STRN: variants seen among roughly 807,000 people sequenced by gnomAD.
STRN encodes protein phosphatase 2 regulatory subunit B'''alpha.
In STRN, 53 loss-of-function variants were observed where a neutral mutation model predicts 96.3. The observed-to-expected ratio is 0.55, with a 90% CI of 0.44 to 0.69. The LOEUF (loss-of-function observed/expected upper bound fraction) is 0.69, where lower values mean the gene tolerates loss of function less well. Among genes scored for constraint, STRN ranks in the 30% least tolerant of loss-of-function variants. STRN has a pLI of 0.00. For synonymous variants in STRN, 428 were observed against 355.9 expected (o/e 1.20, Z -2.28); for missense variants, 987 against 963.9 (o/e 1.02, Z -0.32).
chr2:36,921,017 G>C (rs1213711458), intron 2 of STRN, among the ~76,000 whole-genome samples: 2 of 151,870 alleles, frequency 1.3e-5, no homozygotes, highest in Non-Finnish European at 2.9e-5. Context: ...AGAGGCTGCA[G>C]TGAGCCGATA....
intron 2 of STRN, among the ~76,000 whole-genome samples, chr2:36,916,849 C>T (rs989632538): frequency 1.3e-5 from 2 of 151,842 alleles, no homozygotes; most frequent in African/African-American, 2.4e-5. Context: ...TTAACTATCT[C>T]GGATTTAACC....
intron 1 of STRN, among the ~76,000 whole-genome samples, chr2:36,945,105 A>G (rs1670945505): frequency 1.3e-5 from 2 of 152,200 alleles, no homozygotes; most frequent in South Asian, 4.1e-4. Context: ...TACATAAAAC[A>G]TCACAGCTGG....
intron 12 of STRN, among the ~76,000 whole-genome samples, chr2:36,864,508 C>T (rs1274809226): frequency 6.6e-6 from 1 of 152,096 alleles, no homozygotes; most frequent in Non-Finnish European, 1.5e-5. Context: ...ATAAAGCCTG[C>T]CTGATTGTGG....
intron 1 of STRN, among the ~76,000 whole-genome samples, chr2:36,950,986 T>C (rs1664739702): frequency 1.3e-5 from 2 of 152,156 alleles, no homozygotes. Context: ...ATATTGGTAA[T>C]GTAACATAAA....
At chr2:36,882,553 G>C (rs1003758604) in intron 9 of STRN, among the ~76,000 whole-genome samples, 3 of 152,092 alleles carry the variant, frequency 2.0e-5, no homozygotes, top group African/African-American at 7.2e-5. Flanking sequence ...GATCACTTGA[G>C]CCCAGGAGTT....
intron 8 of STRN, among the ~76,000 whole-genome samples, chr2:36,885,341 T>C (rs769713966): frequency 1.3e-4 from 20 of 152,172 alleles, no homozygotes; most frequent in Non-Finnish European, 2.9e-4. Flanking sequence ...ATTAAGTTAA[T>C]CTGGAAATTA....
intron 3 of STRN, among the ~76,000 whole-genome samples, chr2:36,915,063 G>T (rs1443770264): frequency 6.6e-6 from 1 of 151,052 alleles, no homozygotes; most frequent in Non-Finnish European, 1.5e-5. Context: ...CAGGCCTGGT[G>T]GTGGGCGCCA....
At chr2:36,964,264 T>G (rs1317900952) in intron 1 of STRN, among the ~76,000 whole-genome samples, 1 of 150,552 alleles carries the variant, frequency 6.6e-6, no homozygotes, top group African/African-American at 2.5e-5. Flanking sequence ...TGTGTGTGTT[T>G]TGTTTTTGTT....
chr2:36,855,237 G>C lies in STRN; in HGVS notation c.1953C>G (p.Leu651=), dbSNP rs1370967194. The C allele has an allele frequency of 6.2e-7, 1 of 1,613,650 alleles. No homozygotes were observed. The highest frequency in any genetic ancestry group is 8.5e-7 in the Non-Finnish European group (1 of 1,179,780). Residue 651 remains leucine (L), a synonymous_variant, in exon 15 of 18, where the codon CTC becomes CTG. Coordinates refer to ENST00000263918, the MANE Select transcript of STRN (RefSeq NM_003162.4). ...IFNMETQQRI[L]TLESNVDTTA... ...TTGTATCTACATTGGATTCTAAAGT[G>C]AGAATGCGTTGTTGTGTTTCCATGT...
At chr2:36,875,504 T>A (rs1456375842) in intron 10 of STRN, among the ~76,000 whole-genome samples, 114 of 23,024 alleles carry the variant, frequency 5.0e-3, no homozygotes, top group South Asian at 9.6e-3. Context: ...AGACTCTGCC[T>A]CAAAAAAAAA....
chr2:36,866,963 T>C (rs1668644671), intron 12 of STRN, among the ~76,000 whole-genome samples: 1 of 152,196 alleles, frequency 6.6e-6, no homozygotes, highest in African/African-American at 2.4e-5. Context: ...CAGTTGGGTC[T>C]TGCTTCTTTA....
rs1668466282 is a variant in STRN at position 36,861,028 on chromosome 2, CTATT to C, written c.1669+100_1669+103del. ...AAAATAAAGATGTGGTTCTCTTTACCTATTTATTTTCAAAAATCTCTTTATCTCT... is the reference window on the plus strand; with the variant it reads ...AAAATAAAGATGTGGTTCTCTTTACCTATTTTCAAAAATCTCTTTATCTCT... On this transcript the variant is annotated intron_variant, in intron 13 of 17. Transcript: ENST00000263918. 6.0e-6 allele frequency: 8 copies of C among 1,344,440 alleles called. No homozygotes were observed. The Admixed American group carries it at 7.1e-5, about 12-fold the overall frequency. The allele number at this position is 1,344,440 out of a possible 1,614,324, so 83.3% of individuals were successfully genotyped here.
intron 3 of STRN, among the ~76,000 whole-genome samples, chr2:36,907,076 TG>T: frequency 1.3e-5 from 2 of 152,304 alleles, no homozygotes; most frequent in East Asian, 3.9e-4. Context: ...GCTTTCCCTA[TG>T]GTAAGTCTGG....
rs763345694 is a variant in STRN, at chr2:36,886,704, T to C, written c.1042+12A>G. On this transcript the variant is annotated intron_variant, in intron 8 of 17. Transcript: ENST00000263918. ...AGATTTATGATTTACAGATACAATG[T>C]TTTCCACTTACTCTTCACCCCCTTT... 5 of 1,597,260 alleles carry C rather than the reference T, an allele frequency of 3.1e-6. No homozygotes were observed. The South Asian group carries it at 4.5e-5, about 14-fold the overall frequency.
rs1438884388 is a variant in STRN, at chr2:36,842,974, G to C, written c.*6482C>G. The stretch of plus-strand genomic sequence containing the variant: ...AATGCTGGGGCCCTGCAAAACATCA[G>C]TGATCTTGGGAAACCCAGAGGAGGT... On this transcript the variant is annotated 3_prime_UTR_variant, in exon 18 of 18. Coordinates refer to ENST00000263918, the MANE Select transcript of STRN (RefSeq NM_003162.4). 6.6e-6 allele frequency among the ~76,000 whole-genome samples: 1 copy of C among 152,122 alleles called. No homozygotes were observed. The highest frequency in any genetic ancestry group is 1.5e-5 in the Non-Finnish European group (1 of 68,006).
chr2:36,897,698 A>T (rs1424547440), intron 6 of STRN, among the ~76,000 whole-genome samples: 8 of 151,902 alleles, frequency 5.3e-5, no homozygotes, highest in Non-Finnish European at 1.5e-5. Context: ...CGGCCTCCCA[A>T]AGTGCTGGGA....
In STRN at chr2:36,843,050, G is replaced by A. The variant is rs1279950941; in HGVS notation, c.*6406C>T. On this transcript the variant is annotated 3_prime_UTR_variant, in exon 18 of 18. Coordinates refer to ENST00000263918, the MANE Select transcript of STRN (RefSeq NM_003162.4). ...CTGACCCCAGGAGGTTCATCAATCC[G>A]TGAATAATTTTTGGAGTTTTAATGA... Among the ~76,000 whole-genome samples the A allele has an allele frequency of 1.3e-5, 2 of 152,092 alleles. No homozygotes were observed. Among genetic ancestry groups the A allele is most frequent in the African/African-American group, 4.8e-5 (2 of 41,412 alleles).
At position 36,865,566 on chromosome 2, in the gene STRN, TCTAA is replaced by T. The variant is rs1230906026; in HGVS notation, c.1547+2244_1547+2247del. Among the ~76,000 whole-genome samples the T allele has an allele frequency of 9.9e-5, 15 of 152,180 alleles. 1 individual carries two copies. In the South Asian group the frequency reaches 2.3e-3, roughly 23 times the overall value. On this transcript the variant is annotated intron_variant, in intron 12 of 17. Coordinates refer to ENST00000263918, the MANE Select transcript of STRN (RefSeq NM_003162.4). Reference sequence around the variant, plus strand: ...GTGATGTTAAGTTGTTAATTTGAGATCTAACTTTTTTTTGAGATGGAATCTCACT... The same window carrying T: ...GTGATGTTAAGTTGTTAATTTGAGATCTTTTTTTTGAGATGGAATCTCACT...
Position 36,849,747 on chromosome 2 carries a change from C to T in STRN, c.2140G>A (p.Val714Ile), listed in dbSNP as rs762232305. 6.2e-7 allele frequency: 1 copy of T among 1,614,136 alleles called. No individual in the cohort carries two copies. Among genetic ancestry groups the T allele is most frequent in the South Asian group, 1.1e-5 (1 of 91,078 alleles). Reference sequence around the variant, plus strand: ...ATCAAGTAAAGGCCATTGGGATCAACTGCTAAACTTGTAACAGCTTCTAGG... The same window carrying T: ...ATCAAGTAAAGGCCATTGGGATCAATTGCTAAACTTGTAACAGCTTCTAGG... ...AHLEAVTSLA[V>I]DPNGLYLMSG... The change falls in exon 17 of 18, where the codon GTT becomes ATT. Residue 714 changes from valine to isoleucine, a missense_variant. Coordinates refer to ENST00000263918, the MANE Select transcript of STRN (RefSeq NM_003162.4).
Sources: allele counts gnomAD v4.1 joint callset (sites outside exome capture counted in the v4.1 genomes callset), GRCh38; gene constraint gnomAD v4.1.1; transcripts MANE v1.5; gene names NCBI Gene and HGNC (gene_info 2026-07-23, HGNC 2026-07-21).